The following SLC7A5 variants were observed in gnomAD, a reference collection of about 807,000 sequenced individuals.
SLC7A5 encodes large neutral amino acids transporter small subunit 1.
Under a neutral mutation model 50.2 loss-of-function variants are expected in SLC7A5, and 23 were observed. That is an observed-to-expected ratio of 0.46 (90% CI 0.33 to 0.65). The LOEUF (loss-of-function observed/expected upper bound fraction) is 0.65. Ranked by LOEUF, SLC7A5 falls within the 30% of genes least tolerant of loss-of-function variation. The pLI, the probability that SLC7A5 is intolerant of heterozygous loss-of-function variation, is 0.02. For missense variants in SLC7A5, 578 were observed against 684.4 expected, an observed-to-expected ratio of 0.84 and a Z score of 1.73; for synonymous variants, 393 against 330.6, an observed-to-expected ratio of 1.19 and a Z score of -2.05.
At chr16:87,835,696 T>C (rs13336522) in intron 8 of SLC7A5, among the ~76,000 whole-genome samples, 67 of 152,120 alleles carry the variant, frequency 4.4e-4, no homozygotes, top group Admixed American at 7.2e-4. Context: ...GGATGGTCTC[T>C]ATCTCCTGAC....
chr16:87,841,614 C>G lies in SLC7A5; in HGVS notation c.665-459G>C, dbSNP rs1381079290. On this transcript the variant is annotated intron_variant, in intron 2 of 9. Coordinates refer to ENST00000261622, the MANE Select transcript of SLC7A5 (RefSeq NM_003486.7). This position sits in a 1 kb window ranked among gnomAD's most constrained non-coding sequence, Gnocchi z 4.8. ...CCTGCTTCTTGGGGTGCGAGGAGCT[C>G]GGAACAGACTGCCCTCCCTCCAGGG... is the stretch of plus-strand genomic sequence containing the variant. Among the ~76,000 whole-genome samples, 1 of 152,192 alleles carries G rather than the reference C, an allele frequency of 6.6e-6. No homozygotes were observed. Among genetic ancestry groups the G allele is most frequent in the Non-Finnish European group, 1.5e-5 (1 of 68,024 alleles).
intron 5 of SLC7A5, among the ~76,000 whole-genome samples, chr16:87,839,096 G>A (rs1230466886): frequency 6.6e-6 from 1 of 152,240 alleles, no homozygotes; most frequent in East Asian, 1.9e-4. Flanking sequence ...TGCAGGTGGG[G>A]ATCTTGCCTT....
chr16:87,851,881 C>G, intron 1 of SLC7A5, 32 bp from the exon 2 acceptor site: 1 of 1,612,050 alleles, frequency 6.2e-7, no homozygotes, highest in Non-Finnish European at 8.5e-7. Flanking sequence ...GTGAGTTCCA[C>G]GGGCAGACAG....
At chr16:87,851,521 G>A (rs2055222533) in intron 2 of SLC7A5, among the ~76,000 whole-genome samples, 2 of 152,220 alleles carry the variant, frequency 1.3e-5, no homozygotes, top group Non-Finnish European at 2.9e-5. Flanking sequence ...TGGTGGCCAC[G>A]CTGTCCCACG....
chr16:87,840,077 C>T (rs555444502), intron 4 of SLC7A5, among the ~76,000 whole-genome samples: 1 of 152,298 alleles, frequency 6.6e-6, no homozygotes, highest in East Asian at 1.9e-4. Flanking sequence ...GGGGATTCTT[C>T]GGGGTGACCT....
chr16:87,867,279 G>A (rs761216308), intron 1 of SLC7A5, among the ~76,000 whole-genome samples: 12 of 152,288 alleles, frequency 7.9e-5, no homozygotes, highest in South Asian at 2.1e-4. Flanking sequence ...TATCCATGTC[G>A]TTACATACCG....
chr16:87,852,041 C>G lies in SLC7A5; in HGVS notation c.539-192G>C, dbSNP rs922570671. Among the ~76,000 whole-genome samples, 1 of 152,106 alleles carries G rather than the reference C, an allele frequency of 6.6e-6. No homozygotes were observed. Among genetic ancestry groups the G allele is most frequent in the South Asian group, 2.1e-4 (1 of 4,806 alleles). ...TTCTGAGACCTGTTTTGATAAACTT[C>G]GCAGTCCTTTCAGGTCTAAGGGCTG... On this transcript the variant is annotated intron_variant, in intron 1 of 9. Transcript: ENST00000261622. This position sits in a 1 kb window ranked among gnomAD's most constrained non-coding sequence, Gnocchi z 4.5.
chr16:87,840,861 C>T (rs2055074760), intron 3 of SLC7A5, among the ~76,000 whole-genome samples, 189 bp downstream of exon 3: 1 of 151,696 alleles, frequency 6.6e-6, no homozygotes, highest in African/African-American at 2.4e-5. Context: ...GGCGGCCTCC[C>T]CACGCTTCGT....
At position 87,852,178 on chromosome 16, in the gene SLC7A5, G is replaced by C. The variant is rs1357682421; in HGVS notation, c.539-329C>G. 1.3e-5 allele frequency among the ~76,000 whole-genome samples: 2 copies of C among 152,132 alleles called. No homozygotes were observed. Among genetic ancestry groups the C allele is most frequent in the African/African-American group, 4.8e-5 (2 of 41,426 alleles). ...TTCAAGTGGGGTCACTGCCTCCAGA[G>C]ACCCAGGTGAGCAAGGTGACCCTGC... On this transcript the variant is annotated intron_variant, in intron 1 of 9. Coordinates refer to ENST00000261622, the MANE Select transcript of SLC7A5 (RefSeq NM_003486.7). The surrounding 1 kb of genome is among the most constrained non-coding windows in gnomAD (Gnocchi z 4.5).
At chr16:87,859,345 TGA>T (rs2143817278) in intron 1 of SLC7A5, among the ~76,000 whole-genome samples, 1 of 152,198 alleles carries the variant, frequency 6.6e-6, no homozygotes, top group Admixed American at 6.5e-5. Context: ...AAGCCACACA[TGA>T]GAGCCGTGGA....
intron 1 of SLC7A5, among the ~76,000 whole-genome samples, chr16:87,864,385 C>T (rs1436770136): frequency 3.5e-4 from 54 of 152,150 alleles, no homozygotes; most frequent in Admixed American, 3.5e-3. Context: ...AGATCAAACG[C>T]CCGGCCTCTC....
At chr16:87,866,841 G>A (rs532747574) in intron 1 of SLC7A5, among the ~76,000 whole-genome samples, 25 of 152,228 alleles carry the variant, frequency 1.6e-4, no homozygotes, top group Middle Eastern at 3.4e-3. Flanking sequence ...ACTAGGCAGC[G>A]CCCCATCCTA....
intron 1 of SLC7A5, among the ~76,000 whole-genome samples, chr16:87,863,203 G>A (rs139470863): frequency 1.8e-3 from 276 of 152,246 alleles, no homozygotes; most frequent in Non-Finnish European, 3.2e-3. Context: ...TGAGCCCATC[G>A]GGCCCTTCTT....
chr16:87,840,923 G>C, intron 3 of SLC7A5, 127 bp downstream of exon 3: 2 of 668,570 alleles, frequency 3.0e-6, no homozygotes, highest in Non-Finnish European at 5.4e-6. Context: ...ACTGCCAAGG[G>C]GCAGTTAAAG....
At chr16:87,843,591 C>T (rs533445576) in intron 2 of SLC7A5, among the ~76,000 whole-genome samples, 73 of 151,984 alleles carry the variant, frequency 4.8e-4, no homozygotes, top group African/African-American at 1.6e-3. Context: ...GAGAGACACA[C>T]CAGAGGTGGG....
At chr16:87,865,565 C>A (rs1182969509) in intron 1 of SLC7A5, among the ~76,000 whole-genome samples, 1 of 152,048 alleles carries the variant, frequency 6.6e-6, no homozygotes, top group Non-Finnish European at 1.5e-5. Flanking sequence ...AAAAAATTAG[C>A]TGGGCATGGT....
rs890565140 is a variant in SLC7A5, at chr16:87,833,213, C to T, written c.1469-188G>A. Among the ~76,000 whole-genome samples the T allele has an allele frequency of 7.2e-5, 11 of 152,248 alleles. No individual in the cohort carries two copies. The highest frequency in any genetic ancestry group is 2.7e-4 in the African/African-American group (11 of 41,466). On this transcript the variant is annotated intron_variant, in intron 9 of 9. Coordinates refer to ENST00000261622, the MANE Select transcript of SLC7A5 (RefSeq NM_003486.7). The surrounding 1 kb of genome is among the most constrained non-coding windows in gnomAD (Gnocchi z 6.0). ...GGGTGCCGGGTGCCCGAGGCGCTGTCTTCAACTGAAATGCGGAAGTGCCAC... is the reference window on the plus strand; with the variant it reads ...GGGTGCCGGGTGCCCGAGGCGCTGTTTTCAACTGAAATGCGGAAGTGCCAC...
chr16:87,834,419 C>A lies in SLC7A5; in HGVS notation c.1463G>T (p.Gly488Val), dbSNP rs564461426. ...WKNKPKWLLQ[G>V]IFSTTVLCQK... ...TGGGCCAGCGAGATACTCACAGATGCCCTGGAGGAGCCACTTGGGCTTGTT... is the reference window on the plus strand; with the variant it reads ...TGGGCCAGCGAGATACTCACAGATGACCTGGAGGAGCCACTTGGGCTTGTT... Residue 488 changes from glycine (G) to valine (V), a missense_variant, in exon 9 of 10, where the codon GGC becomes GTC. Transcript: ENST00000261622. 3.9e-6 allele frequency: 6 copies of A among 1,553,690 alleles called. No homozygotes were observed. The South Asian group carries it at 5.9e-5, about 15-fold the overall frequency.
rs28622114 is a variant in SLC7A5 at position 87,861,195 on chromosome 16, C to T, written c.538+7690G>A. On this transcript the variant is annotated intron_variant, in intron 1 of 9. Transcript: ENST00000261622. The surrounding 1 kb of genome is among the most constrained non-coding windows in gnomAD (Gnocchi z 4.2). Reference sequence around the variant, plus strand: ...GGTGATGCTCCAGGGAGGGCCAGGCCTACTGGGGGGCAGAACCCTGTGGCT... The same window carrying T: ...GGTGATGCTCCAGGGAGGGCCAGGCTTACTGGGGGGCAGAACCCTGTGGCT... Among the ~76,000 whole-genome samples the T allele has an allele frequency of 1.3e-5, 2 of 152,190 alleles. No individual in the cohort carries two copies. Among genetic ancestry groups the T allele is most frequent in the African/African-American group, 4.8e-5 (2 of 41,446 alleles).
Sources: allele counts gnomAD v4.1 joint callset (sites outside exome capture counted in the v4.1 genomes callset), GRCh38; gene constraint gnomAD v4.1.1; non-coding constraint Gnocchi (gnomAD v3.1); transcripts MANE v1.5; gene names NCBI Gene and HGNC (gene_info 2026-07-23, HGNC 2026-07-21).